The following SLCO1B3 variants were observed in gnomAD, a reference collection of about 807,000 sequenced individuals.
SLCO1B3 encodes the protein solute carrier organic anion transporter family member 1B3.
In SLCO1B3, 72 loss-of-function variants were observed where a neutral mutation model predicts 71.8. The observed-to-expected ratio is 1.00, with a 90% CI of 0.83 to 1.22. The LOEUF is 1.22. Among genes scored for constraint, SLCO1B3 ranks in the 50% most tolerant of loss-of-function variants. The pLI, the probability that SLCO1B3 is intolerant of heterozygous loss-of-function variation, is 0.00. For synonymous variants in SLCO1B3, 298 were observed against 278.4 expected (o/e 1.07, Z -0.70); for missense variants, 911 against 819.7 (o/e 1.11, Z -1.36).
At chr12:20,862,937 T>G in intron 8 of SLCO1B3, 83 bp downstream of exon 8, 1 of 680,446 alleles carries the variant, frequency 1.5e-6, no homozygotes, top group South Asian at 2.5e-5. Flanking sequence ...ATTCAGTCTT[T>G]CAATAGTTCT....
chr12:20,853,678 G>C (rs1043202224), intron 3 of SLCO1B3, among the ~76,000 whole-genome samples: 2 of 151,488 alleles, frequency 1.3e-5, no homozygotes, highest in Admixed American at 1.3e-4. Flanking sequence ...AGACCAACTT[G>C]GGTTCATTAA....
chr12:20,815,856 A>G, intron 3 of SLCO1B3, 34 bp downstream of exon 3: 1 of 1,395,804 alleles, frequency 7.2e-7, no homozygotes, highest in Non-Finnish European at 9.9e-7. Context: ...AACTAAAATA[A>G]GTTAATGGAA....
At position 20,826,923 on chromosome 12, in the gene SLCO1B3, G is replaced by A. The variant is rs189656701; in HGVS notation, c.84+11101G>A. On this transcript the variant is annotated intron_variant, in intron 3 of 15. Coordinates refer to ENST00000381545, the MANE Select transcript of SLCO1B3 (RefSeq NM_019844.4). ...ATTTTTTTAAATTGGAAATAACCCA[G>A]ATACTTAATGTAACATAACTTTAGA... Among the ~76,000 whole-genome samples the A allele has an allele frequency of 1.6e-3, 247 of 151,966 alleles. 4 individuals carry two copies. In the East Asian group the frequency reaches 0.026, roughly 16 times the overall value.
At chr12:20,850,313 T>C (rs1865000095) in intron 3 of SLCO1B3, among the ~76,000 whole-genome samples, 1 of 150,124 alleles carries the variant, frequency 6.7e-6, no homozygotes, top group Non-Finnish European at 1.5e-5. Context: ...AGAGTCTCGC[T>C]CTGTCGCCAA....
intron 8 of SLCO1B3, among the ~76,000 whole-genome samples, chr12:20,865,289 A>C (rs1184389212): frequency 1.3e-5 from 2 of 152,182 alleles, no homozygotes; most frequent in Non-Finnish European, 1.5e-5. Flanking sequence ...ATGAAACAAT[A>C]TGATCACATA....
rs377662127 is a variant in SLCO1B3 at position 20,876,972 on chromosome 12, A to G, written c.971-800A>G. Among the ~76,000 whole-genome samples, 5 of 152,170 alleles carry G rather than the reference A, an allele frequency of 3.3e-5. No homozygotes were observed. The South Asian group carries it at 1.0e-3, about 32-fold the overall frequency. ...CAGCCTCCCGAGTAGCTGGGACTACAGGCACACACTGCCATACCCGGCTAA... is the reference window on the plus strand; with the variant it reads ...CAGCCTCCCGAGTAGCTGGGACTACGGGCACACACTGCCATACCCGGCTAA... On this transcript the variant is annotated intron_variant, in intron 9 of 15. Coordinates refer to ENST00000381545, the MANE Select transcript of SLCO1B3 (RefSeq NM_019844.4).
At chr12:20,898,170 G>T (rs1194711591) in intron 13 of SLCO1B3, among the ~76,000 whole-genome samples, 5 of 152,086 alleles carry the variant, frequency 3.3e-5, no homozygotes, top group Admixed American at 1.3e-4. Context: ...CTTTCTTATA[G>T]GATTTTCATA....
At chr12:20,840,591 C>T (rs1864777011) in intron 3 of SLCO1B3, among the ~76,000 whole-genome samples, 1 of 151,984 alleles carries the variant, frequency 6.6e-6, no homozygotes, top group Non-Finnish European at 1.5e-5. Context: ...CGGGGTTTCA[C>T]CATCTTGGCC....
chr12:20,829,395 A>G (rs1864493231), intron 3 of SLCO1B3, among the ~76,000 whole-genome samples: 3 of 152,224 alleles, frequency 2.0e-5, no homozygotes, highest in African/African-American at 7.2e-5. Flanking sequence ...CTGAAACTTC[A>G]GAAAGGAGTT....
chr12:20,851,019 C>G (rs922199939), intron 3 of SLCO1B3, among the ~76,000 whole-genome samples: 26 of 152,120 alleles, frequency 1.7e-4, no homozygotes, highest in African/African-American at 5.8e-4. Context: ...GAGATGATAT[C>G]TCATTGTGGT....
chr12:20,914,199 C>T (rs950066112), intron 15 of SLCO1B3, among the ~76,000 whole-genome samples: 6 of 151,928 alleles, frequency 3.9e-5, no homozygotes, highest in African/African-American at 1.5e-4. Context: ...TTTTGTATTC[C>T]ACTCTCTGTC....
Position 20,862,873 on chromosome 12 carries a change from AG to A in SLCO1B3, c.727+21del. On this transcript the variant is annotated intron_variant, in intron 8 of 15. Coordinates refer to ENST00000381545, the MANE Select transcript of SLCO1B3 (RefSeq NM_019844.4). ...GATCTGAGTAAGTACAATTAGAACA[AG>A]GTACCATGATAGTGTCTTTTAAGTG... 1.5e-6 allele frequency: 2 copies of A among 1,367,294 alleles called. No homozygotes were observed. The highest frequency in any genetic ancestry group is 2.1e-6 in the Non-Finnish European group (2 of 958,594). 84.7% of individuals were successfully genotyped at this position (1,367,294 alleles called of 1,614,324 possible).
rs80224189 is a variant in SLCO1B3, at chr12:20,862,884, T to C, written c.727+30T>C. ...GTACAATTAGAACAAGGTACCATGA[T>C]AGTGTCTTTTAAGTGCAGGACACCA... is the stretch of plus-strand genomic sequence containing the variant. On this transcript the variant is annotated intron_variant, in intron 8 of 15. Transcript: ENST00000381545. 4.9e-3 allele frequency: 6,032 copies of C among 1,234,452 alleles called. 225 individuals are homozygous for C. The African/African-American group carries it at 0.079, about 16-fold the overall frequency. The allele number at this position is 1,234,452 out of a possible 1,614,324, so 76.5% of individuals were successfully genotyped here. A position where few individuals can be genotyped will look rare whatever the true frequency, so the allele number is the denominator to read the frequency against.
intron 13 of SLCO1B3, among the ~76,000 whole-genome samples, chr12:20,896,823 A>G (rs1866016906): frequency 6.6e-6 from 1 of 152,182 alleles, no homozygotes; most frequent in South Asian, 2.1e-4. Context: ...GCGATTTACA[A>G]AAGAAAGAGG....
chr12:20,909,931 G>A (rs1866341181), intron 15 of SLCO1B3, among the ~76,000 whole-genome samples: 1 of 152,166 alleles, frequency 6.6e-6, no homozygotes, highest in African/African-American at 2.4e-5. Flanking sequence ...TTCCAAACCT[G>A]GAATATATGC....
intron 6 of SLCO1B3, 68 bp from the exon 7 acceptor site, chr12:20,862,344 A>G: frequency 2.1e-6 from 3 of 1,460,830 alleles, no homozygotes; most frequent in South Asian, 1.3e-5. Flanking sequence ...AAGGATTTAA[A>G]GTAGTTAAAT....
intron 15 of SLCO1B3, among the ~76,000 whole-genome samples, chr12:20,909,385 G>A (rs1482297231): frequency 6.7e-6 from 1 of 149,556 alleles, no homozygotes; most frequent in Non-Finnish European, 1.5e-5. Flanking sequence ...ATGTTAGCCA[G>A]GATGGTCTTG....
At chr12:20,906,076 AC>A (rs200549822) in intron 15 of SLCO1B3, among the ~76,000 whole-genome samples, 2,360 of 152,076 alleles carry the variant, frequency 0.016, 35 homozygotes, top group Non-Finnish European at 0.023. Context: ...TGGGAAATCC[AC>A]CCCCATGATC....
chr12:20,862,938 C>G, intron 8 of SLCO1B3, 84 bp downstream of exon 8: 4 of 675,958 alleles, frequency 5.9e-6, no homozygotes, highest in South Asian at 5.0e-5. Context: ...TTCAGTCTTT[C>G]AATAGTTCTT....
Sources: allele counts gnomAD v4.1 joint callset (sites outside exome capture counted in the v4.1 genomes callset), GRCh38; gene constraint gnomAD v4.1.1; transcripts MANE v1.5; gene names NCBI Gene and HGNC (gene_info 2026-07-23, HGNC 2026-07-21).